The following ANKRD30A variants were observed in gnomAD, a reference collection of about 807,000 sequenced individuals.
ANKRD30A encodes ankyrin repeat domain 30A.
A neutral mutation model predicts 166.3 loss-of-function variants in ANKRD30A; 170 were observed. The ratio of observed to expected loss-of-function variants is 1.02; its 90% CI spans 0.90 to 1.16. ANKRD30A has a LOEUF of 1.16. ANKRD30A is among the 50% of genes most tolerant of loss of function. ANKRD30A has a pLI of 0.00. For synonymous variants in ANKRD30A, 564 were observed against 508.9 expected (o/e 1.11, Z -1.46); for missense variants, 1,630 against 1,518.0 (o/e 1.07, Z -1.23).
intron 35 of ANKRD30A, among the ~76,000 whole-genome samples, chr10:37,232,067 C>T (rs1161255877): frequency 6.6e-6 from 1 of 151,862 alleles, no homozygotes; most frequent in African/African-American, 2.4e-5. Context: ...TTTCCTGTAC[C>T]ATCTCAAGTT....
chr10:37,197,431 T>G lies in ANKRD30A; in HGVS notation c.2667T>G (p.Ser889=), dbSNP rs1207737868. 3.7e-6 allele frequency: 6 copies of G among 1,612,712 alleles called. No individual in the cohort carries two copies. The highest frequency in any genetic ancestry group is 5.1e-6 in the Non-Finnish European group (6 of 1,179,730). ...AFEPAIEMQK[S]VPNKALELKN... ...AGCCTGCCATTGAAATGCAAAAGTC[T>G]GTTCCAAATAAAGCCTTGGAATTGA... Residue 889 remains serine (S), a synonymous_variant, in exon 29 of 36, where the codon TCT becomes TCG. Coordinates refer to ENST00000361713, the MANE Select transcript of ANKRD30A (RefSeq NM_052997.3).
intron 31 of ANKRD30A, among the ~76,000 whole-genome samples, chr10:37,205,131 T>C (rs1841904839): frequency 6.6e-6 from 1 of 152,166 alleles, no homozygotes; most frequent in Non-Finnish European, 1.5e-5. Flanking sequence ...ATCGTGCTAC[T>C]GTAAAGACAC....
At chr10:37,201,589 G>C (rs1321730707) in intron 31 of ANKRD30A, among the ~76,000 whole-genome samples, 1 of 151,950 alleles carries the variant, frequency 6.6e-6, no homozygotes, top group Non-Finnish European at 1.5e-5. Flanking sequence ...AAAGAAGAAA[G>C]TAGTAAAAGA....
At chr10:37,234,235 GT>G (rs1355461465), downstream of ANKRD30A, among the ~76,000 whole-genome samples, 1 of 151,842 alleles carries the variant, frequency 6.6e-6, no homozygotes, top group South Asian at 2.1e-4. Flanking sequence ...CTTTTACTTT[GT>G]TTTTTTATTT....
Position 37,142,119 on chromosome 10 carries a change from T to G in ANKRD30A, c.1222T>G (p.Trp408Gly). 6 of 1,613,570 alleles carry G rather than the reference T, an allele frequency of 3.7e-6. No individual in the cohort carries two copies. Among genetic ancestry groups the G allele is most frequent in the Non-Finnish European group, 5.1e-6 (6 of 1,179,874 alleles). The change falls in exon 7 of 36, where the codon TGG becomes GGG. Residue 408 changes from tryptophan to glycine, a missense_variant. Transcript: ENST00000361713. Reference sequence around the variant, plus strand: ...AAAAGAAACATCTGAGAAATTTACGTGGGCAGCAAAAGGAAGACCTAGGAA... The same window carrying G: ...AAAAGAAACATCTGAGAAATTTACGGGGGCAGCAAAAGGAAGACCTAGGAA... ...PAKETSEKFTWAAKGRPRKIA... is the reference protein window; with the variant it reads ...PAKETSEKFTGAAKGRPRKIA...
chr10:37,135,743 T>C (rs1232801270), intron 5 of ANKRD30A, among the ~76,000 whole-genome samples: 1 of 152,160 alleles, frequency 6.6e-6, no homozygotes, highest in African/African-American at 2.4e-5. Flanking sequence ...CTGCCCTTGG[T>C]GTGATTGATG....
chr10:37,259,218 T>TA, the ANKRD30A span, among the ~76,000 whole-genome samples: 37 of 152,208 alleles, frequency 2.4e-4, no homozygotes, highest in African/African-American at 8.4e-4. Flanking sequence ...CCAGAATATA[T>TA]AAAAAACTCC....
rs1365865367 is a variant in ANKRD30A at position 37,216,239 on chromosome 10, A to G, written c.2928A>G (p.Glu976=). ...TTCATTCTTGTGAAAGAGCAAGGGAACTTCAAAAAGATCACTGTGAACAAC... is the reference window on the plus strand; with the variant it reads ...TTCATTCTTGTGAAAGAGCAAGGGAGCTTCAAAAAGATCACTGTGAACAAC... ...DTVHSCERAR[E]LQKDHCEQRT... is the part of the protein sequence containing the mutation. Residue 976 remains glutamate, a synonymous_variant, in exon 32 of 36, where the codon GAA becomes GAG. Coordinates refer to ENST00000361713, the MANE Select transcript of ANKRD30A (RefSeq NM_052997.3). The G allele has an allele frequency of 3.1e-6, 5 of 1,607,880 alleles. No individual in the cohort carries two copies. Among genetic ancestry groups the G allele is most frequent in the Middle Eastern group, 1.7e-4 (1 of 6,032 alleles).
intron 11 of ANKRD30A, among the ~76,000 whole-genome samples, chr10:37,150,130 T>A (rs1040332086): frequency 2.0e-5 from 3 of 152,134 alleles, no homozygotes; most frequent in Admixed American, 2.0e-4. Flanking sequence ...AAGATTCAAG[T>A]AGGTGAATTT....
chr10:37,143,528 C>T (rs1018554318), intron 7 of ANKRD30A, among the ~76,000 whole-genome samples: 4 of 152,138 alleles, frequency 2.6e-5, no homozygotes, highest in African/African-American at 9.7e-5. Context: ...GCGGCATGCA[C>T]CTGTAATCCC....
At chr10:37,137,448 A>G (rs544109280) in intron 6 of ANKRD30A, among the ~76,000 whole-genome samples, 2 of 152,310 alleles carry the variant, frequency 1.3e-5, no homozygotes, top group South Asian at 4.1e-4. Context: ...TGGGAAGCGC[A>G]AGGGGTCAGG....
At chr10:37,127,549 G>T (rs565175384) in intron 1 of ANKRD30A, among the ~76,000 whole-genome samples, 6 of 151,904 alleles carry the variant, frequency 3.9e-5, no homozygotes, top group Non-Finnish European at 1.5e-5. Context: ...AAAAATCTTC[G>T]CTTTATAGAG....
At chr10:37,207,429 T>C (rs534815361) in intron 31 of ANKRD30A, among the ~76,000 whole-genome samples, 2 of 152,156 alleles carry the variant, frequency 1.3e-5, no homozygotes, top group Non-Finnish European at 2.9e-5. Context: ...AATGATTAAA[T>C]GGCTTGTAAA....
chr10:37,201,226 T>A lies in ANKRD30A; in HGVS notation c.2779-9T>A. 6.5e-7 allele frequency: 1 copy of A among 1,533,682 alleles called. No individual in the cohort carries two copies. On this transcript the variant is annotated splice_polypyrimidine_tract_variant and intron_variant, in intron 30 of 35. Coordinates refer to ENST00000361713, the MANE Select transcript of ANKRD30A (RefSeq NM_052997.3). ...CATTGAAATTATTTATTGATATTAC[T>A]TTTAACAGAGTCTCCGTGAGACTGT...
At chr10:37,191,075 C>T (rs1840526544) in intron 25 of ANKRD30A, among the ~76,000 whole-genome samples, 1 of 151,696 alleles carries the variant, frequency 6.6e-6, no homozygotes, top group Admixed American at 6.6e-5. Flanking sequence ...CTGATTTTAA[C>T]ATAGAAAATG....
At chr10:37,255,117 G>A in the ANKRD30A span, among the ~76,000 whole-genome samples, 1 of 152,104 alleles carries the variant, frequency 6.6e-6, no homozygotes, top group Admixed American at 6.5e-5. Context: ...AGGCCATAAA[G>A]GTTTATTGCT....
At chr10:37,206,381 T>C (rs1193387687) in intron 31 of ANKRD30A, among the ~76,000 whole-genome samples, 1 of 152,230 alleles carries the variant, frequency 6.6e-6, no homozygotes, top group Non-Finnish European at 1.5e-5. Context: ...CTCATTACTC[T>C]TCTCTGTTAC....
intron 13 of ANKRD30A, among the ~76,000 whole-genome samples, chr10:37,154,765 G>A (rs370546725): frequency 2.0e-5 from 3 of 152,104 alleles, no homozygotes; most frequent in African/African-American, 2.4e-5. Flanking sequence ...AAAATGGAGT[G>A]AGCTCACTTC....
At chr10:37,264,581 G>C in the ANKRD30A span, 1 of 453,574 alleles carries the variant, frequency 2.2e-6, no homozygotes, top group Non-Finnish European at 3.7e-6. Context: ...GGTGTTCTTT[G>C]GCATCTACTC....
Sources: allele counts gnomAD v4.1 joint callset (sites outside exome capture counted in the v4.1 genomes callset), GRCh38; gene constraint gnomAD v4.1.1; transcripts MANE v1.5; gene names NCBI Gene and HGNC (gene_info 2026-07-23, HGNC 2026-07-21).